Variants in CANX observed in about 807,000 individuals in gnomAD.
CANX encodes epididymis secretory sperm binding protein.
A neutral mutation model predicts 75.7 loss-of-function variants in CANX; 14 were observed. The ratio of observed to expected loss-of-function variants is 0.19; its 90% CI spans 0.12 to 0.29. The LOEUF is 0.29. CANX is among the 10% of genes least tolerant of loss of function. CANX has a pLI of 1.00. For missense variants in CANX, 567 were observed against 713.2 expected, an observed-to-expected ratio of 0.79 and a Z score of 2.34; for synonymous variants, 227 against 236.9, an observed-to-expected ratio of 0.96 and a Z score of 0.38.
chr5:179,696,267 C>CTTTTTTTTTTTTTTTTTTTT (rs34048949), upstream of CANX, among the ~76,000 whole-genome samples: 1 of 56,732 alleles, frequency 1.8e-5, no homozygotes, highest in African/African-American at 7.1e-5. Flanking sequence ...AGTGTCATTT[C>CTTTTTTTTTTTTTTTTTTTT]TTTTTTTTTT....
At chr5:179,705,378 A>G (rs1777057552) in intron 1 of CANX, among the ~76,000 whole-genome samples, 1 of 152,244 alleles carries the variant, frequency 6.6e-6, no homozygotes, top group African/African-American at 2.4e-5. Context: ...TACAAATGCA[A>G]AAGTTTGTTG....
chr5:179,709,958 G>A lies in CANX; in HGVS notation c.614G>A (p.Arg205Gln), dbSNP rs1315765352. The A allele has an allele frequency of 7.4e-6, 12 of 1,612,850 alleles. No homozygotes were observed. The highest frequency in any genetic ancestry group is 1.7e-5 in the Admixed American group (1 of 59,940). The change falls in exon 7 of 15, where the codon CGA becomes CAA. Residue 205 changes from arginine to glutamine, a missense_variant. Arg to Gln is a conservative substitution (Grantham distance 43). Transcript: ENST00000247461. The stretch of plus-strand genomic sequence containing the variant: ...GACTATAAACTGCACTTCATCTTCC[G>A]ACACAAAAACCCCAAAACGGGTATC... ...GEDYKLHFIF[R>Q]HKNPKTGIYE...
chr5:179,687,344 C>T (rs1463037959), intron 1 of CANX, among the ~76,000 whole-genome samples: 1 of 151,826 alleles, frequency 6.6e-6, no homozygotes, highest in Non-Finnish European at 1.5e-5. Flanking sequence ...GCCTCGTGAT[C>T]CACCCGCCTC....
At position 179,682,720 on chromosome 5, in the gene CANX, A is replaced by AC. The variant is rs1776099570; in HGVS notation, c.-4+3943_-4+3944insC. Among the ~76,000 whole-genome samples, 3 of 151,746 alleles carry AC rather than the reference A, an allele frequency of 2.0e-5. No homozygotes were observed. The South Asian group carries it at 6.2e-4, about 32-fold the overall frequency. ...GCGAGACTCTGTCTCAAAAAAAAAA[A>AC]AAAAAAAACCCTAATTCTGATACGT... On this transcript the variant is annotated intron_variant, in intron 1 of 14. Coordinates refer to the CANX transcript ENST00000681674.
Position 179,731,608 on chromosome 5 carries a change from T to G in CANX, c.*2964T>G, listed in dbSNP as rs768223128. ...ATATTTGATTGTTGTTTTCTCTTGATTTTAAAATAAAACCTCATGAGCCCT... is the reference window on the plus strand; with the variant it reads ...ATATTTGATTGTTGTTTTCTCTTGAGTTTAAAATAAAACCTCATGAGCCCT... On this transcript the variant is annotated 3_prime_UTR_variant, in exon 15 of 15. Coordinates refer to ENST00000247461, the MANE Select transcript of CANX (RefSeq NM_001746.4). 1.3e-5 allele frequency among the ~76,000 whole-genome samples: 2 copies of G among 152,212 alleles called. No homozygotes were observed. Among genetic ancestry groups the G allele is most frequent in the African/African-American group, 2.4e-5 (1 of 41,462 alleles).
At chr5:179,694,431 G>T, upstream of CANX, 1 of 667,684 alleles carries the variant, frequency 1.5e-6, no homozygotes. Flanking sequence ...AGCTAAGGGA[G>T]GCAAGAAGAA....
rs1778934004 is a variant in CANX, at chr5:179,730,598, T to G, written c.*1954T>G. 1 of 152,196 alleles carries G rather than the reference T, an allele frequency of 6.6e-6. No homozygotes were observed. Among genetic ancestry groups the G allele is most frequent in the Non-Finnish European group, 1.5e-5 (1 of 68,028 alleles). The allele number at this position is 152,196 out of a possible 1,614,324, so 9.4% of individuals were successfully genotyped here. A position where few individuals can be genotyped will look rare whatever the true frequency, so the allele number is the denominator to read the frequency against. On this transcript the variant is annotated 3_prime_UTR_variant, in exon 15 of 15. Transcript: ENST00000247461. The stretch of plus-strand genomic sequence containing the variant: ...GAGCTTTAAATCATTAGAGCTTAAA[T>G]TGTCAGATCGTTCATTGCCTTTCCA...
chr5:179,716,009 TCTG>T (rs1435482411), intron 7 of CANX, 93 bp from the exon 8 acceptor site: 1 of 931,786 alleles, frequency 1.1e-6, no homozygotes, highest in Non-Finnish European at 1.7e-6. Flanking sequence ...AGGTCAGACT[TCTG>T]CTGCTTCACG....
At chr5:179,707,360 A>C (rs1204825094) in intron 4 of CANX, among the ~76,000 whole-genome samples, 170 bp downstream of exon 4, 2 of 152,160 alleles carry the variant, frequency 1.3e-5, no homozygotes, top group African/African-American at 4.8e-5. Context: ...CAAGGCGGGC[A>C]GATCACGAGG....
intron 7 of CANX, among the ~76,000 whole-genome samples, chr5:179,714,374 A>G (rs1472346133): frequency 6.6e-6 from 1 of 152,254 alleles, no homozygotes; most frequent in Non-Finnish European, 1.5e-5. Context: ...AATATGTACA[A>G]GTACGATATG....
chr5:179,711,266 T>C (rs1257866871), intron 7 of CANX, among the ~76,000 whole-genome samples: 1 of 136,224 alleles, frequency 7.3e-6, no homozygotes, highest in South Asian at 2.2e-4. Context: ...CTACAAAATC[T>C]TAAGAATTAA....
intron 1 of CANX, among the ~76,000 whole-genome samples, chr5:179,688,959 CAGAA>C (rs1776244698): frequency 6.6e-6 from 1 of 151,040 alleles, no homozygotes; most frequent in Middle Eastern, 3.3e-3. Flanking sequence ...AAAAAAACAA[CAGAA>C]AGAGGCCGGG....
In CANX at chr5:179,698,989, T is replaced by C; in HGVS notation, c.-117T>C. On this transcript the variant is annotated 5_prime_UTR_variant, in exon 1 of 15. Coordinates refer to ENST00000247461, the MANE Select transcript of CANX (RefSeq NM_001746.4). ...GGCAGCGGTGGCCGAGGCCTCTTGG[T>C]TCTGCGGCACGTGACGGTCGGGCCG... 1 of 1,124,306 alleles carries C rather than the reference T, an allele frequency of 8.9e-7. No homozygotes were observed. The highest frequency in any genetic ancestry group is 1.1e-6 in the Non-Finnish European group (1 of 911,974). 69.6% of individuals were successfully genotyped at this position (1,124,306 alleles called of 1,614,324 possible). A position where few individuals can be genotyped will look rare whatever the true frequency, so the allele number is the denominator to read the frequency against.
intron 1 of CANX, among the ~76,000 whole-genome samples, chr5:179,686,950 T>C (rs557459386): frequency 6.6e-6 from 1 of 152,256 alleles, no homozygotes; most frequent in South Asian, 2.1e-4. Context: ...GCTAATTTTG[T>C]ATTTTTAGTA....
chr5:179,715,684 A>G (rs1044355159), intron 7 of CANX, among the ~76,000 whole-genome samples: 4 of 152,228 alleles, frequency 2.6e-5, no homozygotes, highest in Non-Finnish European at 5.9e-5. Context: ...CAGTAACGTA[A>G]TAATACCAGC....
intron 1 of CANX, among the ~76,000 whole-genome samples, chr5:179,703,860 T>C (rs545351854): frequency 6.6e-6 from 1 of 152,018 alleles, no homozygotes; most frequent in South Asian, 2.1e-4. Context: ...TAGGATAGCT[T>C]GAAAGAGGAG....
At position 179,691,553 on chromosome 5, in the gene CANX, A is replaced by G. The variant is rs4235518; in HGVS notation, c.-4+12776A>G. 5.3e-5 allele frequency among the ~76,000 whole-genome samples: 8 copies of G among 152,084 alleles called. No individual in the cohort carries two copies. In the East Asian group the frequency reaches 1.6e-3, roughly 29 times the overall value. The stretch of plus-strand genomic sequence containing the variant: ...GGAGATCCCATCTCTGCAAAGAAAA[A>G]AAAGAAAAAAAAATGAGTCAAATTG... On this transcript the variant is annotated intron_variant, in intron 1 of 14. Coordinates refer to the CANX transcript ENST00000681674.
chr5:179,695,984 A>G (rs6888596), upstream of CANX, among the ~76,000 whole-genome samples: 2,406 of 151,930 alleles, frequency 0.016, 66 homozygotes, highest in African/African-American at 0.054. Flanking sequence ...CAGTGGCCCA[A>G]TCTTGGCTCA....
intron 7 of CANX, among the ~76,000 whole-genome samples, chr5:179,711,720 C>T (rs1486722959): frequency 2.8e-5 from 4 of 144,350 alleles, no homozygotes; most frequent in Non-Finnish European, 6.0e-5. Flanking sequence ...ACCCTGGAAG[C>T]GGAGGTTGCA....
Sources: gnomAD v4.1 joint callset for allele counts (sites outside exome capture counted in the v4.1 genomes callset) on GRCh38, gnomAD v4.1.1 for gene constraint, MANE v1.5 for transcripts, NCBI Gene and HGNC (gene_info 2026-07-23, HGNC 2026-07-21) for gene names.